APOL2: variants seen among roughly 807,000 people sequenced by gnomAD.
APOL2 encodes apolipoprotein L, 2.
Under a neutral mutation model 7.1 loss-of-function variants are expected in APOL2, and 8 were observed. The ratio of observed to expected loss-of-function variants is 1.12; its 90% CI spans 0.66 to 2.03. APOL2 has a LOEUF of 2.03. APOL2 is among the 30% of genes most tolerant of loss of function. The probability of loss-of-function intolerance (pLI) is 0.00; values close to 1 mark genes in which losing one functional copy is unlikely to be tolerated. For missense variants in APOL2, 471 were observed against 415.1 expected (o/e 1.13, Z -1.17); for synonymous variants, 177 against 159.9 (o/e 1.11, Z -0.81).
At chr22:36,232,343 C>G (rs369772809) in intron 3 of APOL2, among the ~76,000 whole-genome samples, 1 of 152,184 alleles carries the variant, frequency 6.6e-6, no homozygotes. Context: ...GGCAGTCATC[C>G]CTGGTCAGCA....
intron 3 of APOL2, among the ~76,000 whole-genome samples, chr22:36,232,936 G>A (rs1200515338): frequency 6.6e-6 from 1 of 152,004 alleles, no homozygotes; most frequent in East Asian, 1.9e-4. Flanking sequence ...GGAGGAAGTG[G>A]GCACCTGGGC....
chr22:36,229,814 G>T (rs1232931426), intron 4 of APOL2, among the ~76,000 whole-genome samples: 1 of 152,226 alleles, frequency 6.6e-6, no homozygotes, highest in Non-Finnish European at 1.5e-5. Context: ...CCTGGCATCT[G>T]CTCCCTTCCA....
chr22:36,230,826 C>T (rs901709230), intron 4 of APOL2, among the ~76,000 whole-genome samples: 27 of 152,222 alleles, frequency 1.8e-4, no homozygotes, highest in Admixed American at 1.2e-3. Context: ...AGAAAAAAGG[C>T]CCCAGCCAGC....
At position 36,227,444 on chromosome 22, in the gene APOL2, G is replaced by A. The variant is rs954203919; in HGVS notation, c.974C>T (p.Thr325Ile). ...TGGCTGCAGCATCTCATGGATCTTG[G>A]TGAGAAAGTTGAGCTTCCCCTCCAG... Reference protein sequence around the residue: ...QELEGKLNFLTKIHEMLQPGQ... With the variant: ...QELEGKLNFLIKIHEMLQPGQ... Residue 325 changes from threonine (T) to isoleucine (I), a missense_variant, in exon 5 of 5, where the codon ACC becomes ATC. Transcript: ENST00000358502. 6.2e-7 allele frequency: 1 copy of A among 1,611,976 alleles called. No individual in the cohort carries two copies. The highest frequency in any genetic ancestry group is 1.3e-5 in the African/African-American group (1 of 74,882).
Position 36,227,374 on chromosome 22 carries a change from T to C in APOL2, c.*30A>G, listed in dbSNP as rs2015039203. On this transcript the variant is annotated 3_prime_UTR_variant, in exon 5 of 5. Coordinates refer to ENST00000358502, the MANE Select transcript of APOL2 (RefSeq NM_030882.4). ...TTTTGTCCTGGCCTGTGCCCGGCAT[T>C]TCTGCCCTGGTGGCTGCACTGCTCT... 1 of 1,555,740 alleles carries C rather than the reference T, an allele frequency of 6.4e-7. No homozygotes were observed. Among genetic ancestry groups the C allele is most frequent in the Admixed American group, 2.0e-5 (1 of 49,498 alleles).
chr22:36,228,871 A>G (rs2015118135), intron 4 of APOL2, among the ~76,000 whole-genome samples: 1 of 152,168 alleles, frequency 6.6e-6, no homozygotes, highest in Non-Finnish European at 1.5e-5. Context: ...CTTGGGGACT[A>G]AAGGTGTGAG....
Position 36,233,223 on chromosome 22 carries a change from T to A in APOL2, c.-61A>T. The A allele has an allele frequency of 1.2e-6, 2 of 1,614,104 alleles. No homozygotes were observed. The highest frequency in any genetic ancestry group is 1.7e-6 in the Non-Finnish European group (2 of 1,180,002). ...GGAGCTCTCCAGTCACTGTCCAGAC[T>A]GGAAGGTTTTCCTTAACCCTTGAGA... On this transcript the variant is annotated 5_prime_UTR_variant, in exon 3 of 5. Transcript: ENST00000358502.
At chr22:36,239,604 G>T, upstream of APOL2, 1 of 1,154,754 alleles carries the variant, frequency 8.7e-7, no homozygotes, top group Non-Finnish European at 1.3e-6. Context: ...CTTCCCAGCA[G>T]CTCATGACCA....
At chr22:36,239,212 C>G in intron 1 of APOL2, 2 of 1,337,386 alleles carry the variant, frequency 1.5e-6, no homozygotes, top group Non-Finnish European at 1.9e-6. Flanking sequence ...GTGAACCCAT[C>G]TAAGCTGTTT....
chr22:36,239,826 C>T, upstream of APOL2: 1 of 358,700 alleles, frequency 2.8e-6, no homozygotes, highest in African/African-American at 2.1e-5. Flanking sequence ...TTTTTTGAAC[C>T]CATCTGAGCC....
chr22:36,229,726 G>A (rs1256976677), intron 4 of APOL2, among the ~76,000 whole-genome samples: 2 of 152,196 alleles, frequency 1.3e-5, no homozygotes, highest in African/African-American at 4.8e-5. Flanking sequence ...GGTGCCCTCA[G>A]ACATTGCAGT....
chr22:36,237,245 C>A lies in APOL2; in HGVS notation c.-134+2196G>T, dbSNP rs538531889. On this transcript the variant is annotated intron_variant, in intron 1 of 4. Coordinates refer to ENST00000358502, the MANE Select transcript of APOL2 (RefSeq NM_030882.4). ...CAGGCTGGTCAATTCCGGTGTCCAA[C>A]TGAGCGACCTGGAAGAGGAGCCCTC... 1.3e-5 allele frequency: 18 copies of A among 1,365,594 alleles called. No individual in the cohort carries two copies. The African/African-American group carries it at 2.6e-4, about 19-fold the overall frequency. The allele number at this position is 1,365,594 out of a possible 1,614,324, so 84.6% of individuals were successfully genotyped here.
In APOL2 at chr22:36,239,435, A is replaced by T; in HGVS notation, c.-134+6T>A. On this transcript the variant is annotated splice_donor_region_variant and intron_variant, in intron 1 of 4. Coordinates refer to ENST00000358502, the MANE Select transcript of APOL2 (RefSeq NM_030882.4). ...ATGGGGGTAGATCACACTATCCCCA[A>T]CTTACCAAGGGATCTTCCTCTGACA... 6.5e-7 allele frequency: 1 copy of T among 1,545,428 alleles called. No individual in the cohort carries two copies. Among genetic ancestry groups the T allele is most frequent in the Non-Finnish European group, 8.7e-7 (1 of 1,151,896 alleles).
chr22:36,237,223 G>C, intron 1 of APOL2: 1 of 1,382,260 alleles, frequency 7.2e-7, no homozygotes, highest in South Asian at 1.7e-5. Flanking sequence ...GAGCCTGCAG[G>C]CTGGTCAATT....
chr22:36,227,738 A>G lies in APOL2; in HGVS notation c.680T>C (p.Ile227Thr). The change falls in exon 5 of 5, where the codon ATC becomes ACC. Residue 227 changes from isoleucine to threonine, a missense_variant. Ile to Thr is a moderately conservative substitution (Grantham distance 89, BLOSUM62 -1). Coordinates refer to ENST00000358502, the MANE Select transcript of APOL2 (RefSeq NM_030882.4). The stretch of plus-strand genomic sequence containing the variant: ...CTGAGGGTTGGCTCTGGCTCGTCTG[A>G]TGGCACGGATGTTCCTCCCAATCCC... ...TQGIGRNIRA[I>T]RRARANPQLG... 6.2e-7 allele frequency: 1 copy of G among 1,614,186 alleles called. No homozygotes were observed. Among genetic ancestry groups the G allele is most frequent in the Admixed American group, 1.7e-5 (1 of 60,030 alleles).
At position 36,233,139 on chromosome 22, in the gene APOL2, G is replaced by A. The variant is rs2015284194; in HGVS notation, c.10+14C>T. The A allele has an allele frequency of 6.2e-7, 1 of 1,613,678 alleles. No homozygotes were observed. ...GCGAGTAGGAACTAGCCAGGAAAGA[G>A]GAAGCGAGCCTACCTGGGTTCATGG... On this transcript the variant is annotated intron_variant, in intron 3 of 4. Transcript: ENST00000358502.
intron 3 of APOL2, among the ~76,000 whole-genome samples, chr22:36,231,781 C>T (rs754522537): frequency 1.3e-5 from 2 of 152,140 alleles, no homozygotes; most frequent in African/African-American, 2.4e-5. Flanking sequence ...ACAATAAGGC[C>T]AGGTAAGCAC....
Position 36,227,283 on chromosome 22 carries a change from T to C in APOL2, c.*121A>G. On this transcript the variant is annotated 3_prime_UTR_variant, in exon 5 of 5. Transcript: ENST00000358502. The stretch of plus-strand genomic sequence containing the variant: ...GTGAGCCGAGATTGAGCCACTGCAC[T>C]CCATCCTGGGCGATAGAGCGAGACT... 1.6e-6 allele frequency: 2 copies of C among 1,262,698 alleles called. No individual in the cohort carries two copies. Among genetic ancestry groups the C allele is most frequent in the South Asian group, 3.2e-5 (2 of 62,492 alleles). The allele number at this position is 1,262,698 out of a possible 1,614,324, so 78.2% of individuals were successfully genotyped here. A position where few individuals can be genotyped will look rare whatever the true frequency, so the allele number is the denominator to read the frequency against.
At position 36,233,241 on chromosome 22, in the gene APOL2, C is replaced by A. The variant is rs774097070; in HGVS notation, c.-79G>T. 3.1e-6 allele frequency: 5 copies of A among 1,613,980 alleles called. No individual in the cohort carries two copies. Among genetic ancestry groups the A allele is most frequent in the Non-Finnish European group, 4.2e-6 (5 of 1,179,962 alleles). ...TCCAGACTGGAAGGTTTTCCTTAAC[C>A]CTTGAGAACGAGAAAACAAATTGTG... On this transcript the variant is annotated splice_region_variant and 5_prime_UTR_variant, in exon 3 of 5. Coordinates refer to ENST00000358502, the MANE Select transcript of APOL2 (RefSeq NM_030882.4).
Sources: gnomAD v4.1 joint callset for allele counts (sites outside exome capture counted in the v4.1 genomes callset) on GRCh38, gnomAD v4.1.1 for gene constraint, MANE v1.5 for transcripts, NCBI Gene and HGNC (gene_info 2026-07-23, HGNC 2026-07-21) for gene names.